Variants in ERC1 observed in about 807,000 individuals in gnomAD.
ERC1 encodes the protein RAB6 interacting protein 2.
A neutral mutation model predicts 132.0 loss-of-function variants in ERC1; 56 were observed. The ratio of observed to expected loss-of-function variants is 0.42; its 90% confidence interval spans 0.34 to 0.53. The LOEUF (loss-of-function observed/expected upper bound fraction) is 0.53. Among genes scored for constraint, ERC1 ranks in the 20% least tolerant of loss-of-function variants. The pLI is 0.03. For missense variants in ERC1, 1,202 were observed against 1,349.9 expected, an observed-to-expected ratio of 0.89 and a Z score of 1.72; for synonymous variants, 478 against 476.1, an observed-to-expected ratio of 1.00 and a Z score of -0.05.
At chr12:1,154,293 A>C (rs1433107122) in intron 8 of ERC1, among the ~76,000 whole-genome samples, 1 of 151,166 alleles carries the variant, frequency 6.6e-6, no homozygotes, top group Non-Finnish European at 1.5e-5. Context: ...ATATATACAC[A>C]CACACGTGCA....
intron 12 of ERC1, among the ~76,000 whole-genome samples, chr12:1,207,002 C>G (rs1006162555): frequency 6.6e-6 from 1 of 152,032 alleles, no homozygotes; most frequent in Non-Finnish European, 1.5e-5. Flanking sequence ...GAACACTAGG[C>G]ATAAAAGGGT....
At chr12:1,478,779 ACT>A (rs1277054459) in intron 18 of ERC1, among the ~76,000 whole-genome samples, 1 of 134,450 alleles carries the variant, frequency 7.4e-6, no homozygotes, top group Non-Finnish European at 1.6e-5. Flanking sequence ...ACAGAGTGAG[ACT>A]CTGTCTCAAT....
intron 7 of ERC1, among the ~76,000 whole-genome samples, chr12:1,129,147 A>G (rs1038587146): frequency 6.6e-6 from 1 of 152,222 alleles, no homozygotes; most frequent in Non-Finnish European, 1.5e-5. Context: ...CTACACCTAC[A>G]TACAGCATAG....
intron 8 of ERC1, among the ~76,000 whole-genome samples, chr12:1,160,294 T>A (rs1951770050): frequency 6.6e-6 from 1 of 152,224 alleles, no homozygotes; most frequent in Non-Finnish European, 1.5e-5. Context: ...CTGATCAGAT[T>A]GATATATCCA....
chr12:1,260,803 A>G (rs150070774), intron 13 of ERC1, among the ~76,000 whole-genome samples: 117 of 152,366 alleles, frequency 7.7e-4, no homozygotes, highest in African/African-American at 2.5e-3. Context: ...ACTTAGCTTT[A>G]CATCGAAATG....
intron 18 of ERC1, among the ~76,000 whole-genome samples, chr12:1,489,454 A>G (rs1481002090): frequency 6.6e-6 from 1 of 152,244 alleles, no homozygotes; most frequent in Admixed American, 6.5e-5. Context: ...ATGTGTCTTC[A>G]GGACAAGGAC....
chr12:1,099,569 A>G (rs550634639), intron 3 of ERC1, among the ~76,000 whole-genome samples: 2 of 152,328 alleles, frequency 1.3e-5, no homozygotes, highest in African/African-American at 2.4e-5. Context: ...CACTTTTTAC[A>G]TATGAATTAT....
In ERC1 at chr12:1,218,882, C is replaced by CT. The variant is rs1566284418; in HGVS notation, c.2352-17879dup. ...TATATATATATATTCTCAGACTTTTCTTTTTTTTGAGATGGAGTCTCACTC... is the reference window on the plus strand; with the variant it reads ...TATATATATATATTCTCAGACTTTTCTTTTTTTTTGAGATGGAGTCTCACTC... On this transcript the variant is annotated intron_variant, in intron 12 of 18. Coordinates refer to ENST00000360905, the MANE Select transcript of ERC1 (RefSeq NM_178040.4). Among the ~76,000 whole-genome samples the CT allele has an allele frequency of 2.7e-5, 4 of 150,372 alleles. No individual in the cohort carries two copies. The East Asian group carries it at 5.8e-4, about 22-fold the overall frequency.
chr12:1,170,215 T>C (rs1244102011), intron 8 of ERC1, among the ~76,000 whole-genome samples: 1 of 152,230 alleles, frequency 6.6e-6, no homozygotes, highest in African/African-American at 2.4e-5. Context: ...TTCTCAAGAA[T>C]ATGAATTGTA....
intron 12 of ERC1, among the ~76,000 whole-genome samples, chr12:1,194,491 A>T (rs904551286): frequency 2.0e-5 from 3 of 152,138 alleles, no homozygotes; most frequent in Admixed American, 6.5e-5. Flanking sequence ...CTGATACAGG[A>T]TTGCTTGCTG....
Position 1,119,068 on chromosome 12 carries a change from A to G in ERC1, c.1569+3035A>G, listed in dbSNP as rs371532182. On this transcript the variant is annotated intron_variant, in intron 7 of 18. Coordinates refer to ENST00000360905, the MANE Select transcript of ERC1 (RefSeq NM_178040.4). ...AATTTTTAAAACTTTTTGCAGAGAC[A>G]GAGTCTCACTGTGTTGCCTAGGCTG... is the stretch of plus-strand genomic sequence containing the variant. Among the ~76,000 whole-genome samples the G allele has an allele frequency of 3.9e-5, 6 of 152,162 alleles. No individual in the cohort carries two copies. In the East Asian group the frequency reaches 1.2e-3, roughly 30 times the overall value.
At chr12:1,169,040 A>G (rs1322069801) in intron 8 of ERC1, among the ~76,000 whole-genome samples, 11 of 152,166 alleles carry the variant, frequency 7.2e-5, no homozygotes, top group African/African-American at 1.4e-4. Flanking sequence ...CTCACCATCT[A>G]TGGAACAACC....
chr12:1,109,254 A>G (rs1245845800), intron 4 of ERC1, among the ~76,000 whole-genome samples: 1 of 152,234 alleles, frequency 6.6e-6, no homozygotes, highest in Non-Finnish European at 1.5e-5. Flanking sequence ...TTTGTGGTAG[A>G]GATGATGGTT....
At chr12:1,191,348 G>A (rs933194594) in intron 12 of ERC1, among the ~76,000 whole-genome samples, 4 of 152,006 alleles carry the variant, frequency 2.6e-5, no homozygotes, top group African/African-American at 4.8e-5. Context: ...ACGTGCTTAC[G>A]TGAATACATG....
intron 2 of ERC1, among the ~76,000 whole-genome samples, chr12:1,057,504 CATTA>C (rs1475202419): frequency 1.3e-5 from 2 of 148,756 alleles, no homozygotes; most frequent in Non-Finnish European, 3.0e-5. Context: ...CTGCAGTAAG[CATTA>C]ATTATGACTT....
intron 12 of ERC1, among the ~76,000 whole-genome samples, chr12:1,207,972 AC>A (rs893511816): frequency 5.3e-5 from 8 of 151,762 alleles, no homozygotes; most frequent in Non-Finnish European, 1.0e-4. Flanking sequence ...TCTGGCACCC[AC>A]CCCCCCATCT....
chr12:1,326,890 G>GT (rs112334757), intron 15 of ERC1, among the ~76,000 whole-genome samples: 5,214 of 148,254 alleles, frequency 0.035, 94 homozygotes, highest in Middle Eastern at 0.077. Flanking sequence ...CAGTTTGTGG[G>GT]TTTTTTTTTT....
chr12:1,120,168 A>AT (rs1375834368), intron 7 of ERC1, among the ~76,000 whole-genome samples: 1 of 151,536 alleles, frequency 6.6e-6, no homozygotes, highest in Non-Finnish European at 1.5e-5. Flanking sequence ...TTTAATTTGT[A>AT]TTTTTTGTAG....
At chr12:996,094 T>G (rs1221034374) in intron 1 of ERC1, among the ~76,000 whole-genome samples, 1 of 144,300 alleles carries the variant, frequency 6.9e-6, no homozygotes, top group African/African-American at 2.8e-5. Context: ...CTGTTTTTTT[T>G]GTTTTTTTTT....
Sources: allele counts gnomAD v4.1 joint callset (sites outside exome capture counted in the v4.1 genomes callset), GRCh38; gene constraint gnomAD v4.1.1; transcripts MANE v1.5; gene names NCBI Gene and HGNC (gene_info 2026-07-23, HGNC 2026-07-21).